DCC: variants seen among roughly 807,000 people sequenced by gnomAD.
DCC encodes the protein netrin receptor DCC.
DCC carries 58 observed loss-of-function variants against 172.5 expected under a neutral mutation model. The ratio of observed to expected loss-of-function variants is 0.34; its 90% CI spans 0.27 to 0.42. The LOEUF (loss-of-function observed/expected upper bound fraction) is 0.42, where lower values mean the gene tolerates loss of function less well. DCC is among the 10% of genes least tolerant of loss of function. The pLI, the probability that DCC is intolerant of heterozygous loss-of-function variation, is 1.00. For missense variants in DCC, 1,740 were observed against 1,791.0 expected (o/e 0.97, Z 0.51); for synonymous variants, 709 against 644.5 (o/e 1.10, Z -1.52).
At chr18:52,962,856 C>A (rs564985497) in intron 5 of DCC, among the ~76,000 whole-genome samples, 1 of 148,468 alleles carries the variant, frequency 6.7e-6, no homozygotes, top group Non-Finnish European at 1.5e-5. Flanking sequence ...ATCGCAAGGA[C>A]AAAAAACCAA....
intron 9 of DCC, among the ~76,000 whole-genome samples, chr18:53,183,385 G>A (rs8094601): frequency 0.12 from 17,978 of 152,130 alleles, 1,205 homozygotes; most frequent in African/African-American, 0.17. Context: ...TTTATGGTAT[G>A]TAATTTCTCT....
At chr18:53,509,927 T>A (rs1224168273) in intron 27 of DCC, among the ~76,000 whole-genome samples, 1 of 152,230 alleles carries the variant, frequency 6.6e-6, no homozygotes, top group Non-Finnish European at 1.5e-5. Flanking sequence ...AATTTATTCA[T>A]TTTCATAGAA....
rs374904911 is a variant in DCC, at chr18:53,378,037, C to G, written c.2360-8006C>G. Among the ~76,000 whole-genome samples the G allele has an allele frequency of 1.8e-3, 277 of 152,294 alleles. 1 individual carries two copies. Among genetic ancestry groups the G allele is most frequent in the African/African-American group, 6.2e-3 (259 of 41,560 alleles). On this transcript the variant is annotated intron_variant, in intron 15 of 28. Coordinates refer to ENST00000442544, the MANE Select transcript of DCC (RefSeq NM_005215.4). ...AGTGCAGTGGCGCAATCTCAGCTCA[C>G]TGCAACTTCTGCGTCCTGGGTTCAA...
Position 53,280,146 on chromosome 18 carries a change from A to G in DCC, c.1912-25432A>G, listed in dbSNP as rs139548002. On this transcript the variant is annotated intron_variant, in intron 12 of 28. Coordinates refer to ENST00000442544, the MANE Select transcript of DCC (RefSeq NM_005215.4). ...TTGAAGCCTATGGGCTAATTTTTTC[A>G]TGATACTGCCTGTGCTTGTTAAATG... is the stretch of plus-strand genomic sequence containing the variant. 3.5e-4 allele frequency among the ~76,000 whole-genome samples: 54 copies of G among 152,318 alleles called. No homozygotes were observed. In the East Asian group the frequency reaches 9.6e-3, roughly 27 times the overall value.
At chr18:53,079,032 C>A (rs2042762125) in intron 7 of DCC, among the ~76,000 whole-genome samples, 1 of 152,050 alleles carries the variant, frequency 6.6e-6, no homozygotes, top group African/African-American at 2.4e-5. Context: ...TGAAAATGTA[C>A]CAAAGCAGAA....
chr18:52,474,224 GAGAGAGAGAGAGAGAGAGAA>G (rs1383703257), intron 1 of DCC, among the ~76,000 whole-genome samples: 14 of 127,096 alleles, frequency 1.1e-4, no homozygotes, highest in Non-Finnish European at 1.8e-4. Flanking sequence ...GAGAGAGAGA[GAGAGAGAGAGAGAGAGAGAA>G]AGAGAGAGAA....
chr18:52,516,199 T>A (rs979046514), intron 1 of DCC, among the ~76,000 whole-genome samples: 1 of 152,070 alleles, frequency 6.6e-6, no homozygotes, highest in Non-Finnish European at 1.5e-5. Context: ...TAAAAAAAAA[T>A]TCAAATATCA....
At chr18:53,025,781 G>C (rs985996964) in intron 5 of DCC, among the ~76,000 whole-genome samples, 1 of 132,292 alleles carries the variant, frequency 7.6e-6, no homozygotes, top group African/African-American at 2.9e-5. Context: ...AGATTTAATG[G>C]GCAAAAACTA....
intron 15 of DCC, among the ~76,000 whole-genome samples, chr18:53,369,064 C>T (rs529780300): frequency 6.2e-4 from 95 of 152,048 alleles, no homozygotes; most frequent in African/African-American, 2.0e-3. Flanking sequence ...TCTTCTAGTA[C>T]GTGAACACGG....
intron 5 of DCC, among the ~76,000 whole-genome samples, chr18:52,943,637 G>A (rs1357493865): frequency 1.3e-5 from 2 of 151,970 alleles, no homozygotes; most frequent in Non-Finnish European, 2.9e-5. Context: ...AAGAATGAAT[G>A]TTTCACATTT....
rs553792868 is a variant in DCC at position 53,069,983 on chromosome 18, C to CT, written c.1261+3831dup. 9.7e-3 allele frequency among the ~76,000 whole-genome samples: 1,349 copies of CT among 139,040 alleles called. 8 individuals are homozygous for CT. Among genetic ancestry groups the CT allele is most frequent in the Admixed American group, 0.027 (371 of 13,824 alleles). 91.2% of individuals were successfully genotyped at this position (139,040 alleles called of 152,430 possible). ...TGTTTTTGAATACCTGAAGATAAAG[C>CT]TTTTTTTTTTTTTTGAGACAGAATC... On this transcript the variant is annotated intron_variant, in intron 7 of 28. Transcript: ENST00000442544.
chr18:53,213,647 CAAAAAAAA>C (rs34284373), intron 11 of DCC, among the ~76,000 whole-genome samples: 2 of 35,350 alleles, frequency 5.7e-5, no homozygotes, highest in Non-Finnish European at 1.5e-4. Context: ...GACTCCGTCT[CAAAAAAAA>C]AAAAAAAAAA....
chr18:53,452,550 TC>T (rs1469946924), intron 23 of DCC, among the ~76,000 whole-genome samples: 1 of 152,144 alleles, frequency 6.6e-6, no homozygotes, highest in Admixed American at 6.5e-5. Flanking sequence ...TCATCTTAAA[TC>T]CTACCCTAAG....
chr18:52,999,283 A>C (rs907529513), intron 5 of DCC, among the ~76,000 whole-genome samples: 4 of 152,224 alleles, frequency 2.6e-5, no homozygotes, highest in African/African-American at 9.6e-5. Flanking sequence ...AGACATTAAA[A>C]AGTAGCTCAG....
At position 53,429,002 on chromosome 18, in the gene DCC, TA is replaced by T. The variant is rs1911371788; in HGVS notation, c.3164-6140del. ...ATATATATTTTATATATTTTTTATATAATATATATTTTATATATTTTTTATA... is the reference window on the plus strand; with the variant it reads ...ATATATATTTTATATATTTTTTATATATATATATTTTATATATTTTTTATA... On this transcript the variant is annotated intron_variant, in intron 21 of 28. Transcript: ENST00000442544. Among the ~76,000 whole-genome samples, 6 of 49,232 alleles carry T rather than the reference TA, an allele frequency of 1.2e-4. 2 individuals carry two copies. Among genetic ancestry groups the T allele is most frequent in the Non-Finnish European group, 2.4e-4 (5 of 21,086 alleles). The allele number at this position is 49,232 out of a possible 152,430, so 32.3% of individuals were successfully genotyped here.
intron 1 of DCC, among the ~76,000 whole-genome samples, chr18:52,391,448 A>G (rs572776875): frequency 6.6e-6 from 1 of 152,252 alleles, no homozygotes; most frequent in South Asian, 2.1e-4. Flanking sequence ...AAACAGATTC[A>G]AAGAAATTGT....
chr18:53,207,981 C>A (rs1246408407), intron 11 of DCC, among the ~76,000 whole-genome samples, 164 bp downstream of exon 11: 1 of 152,008 alleles, frequency 6.6e-6, no homozygotes, highest in Non-Finnish European at 1.5e-5. Context: ...TACATACTCC[C>A]AGCTGGATGT....
chr18:53,235,076 C>T (rs986386353), intron 12 of DCC, among the ~76,000 whole-genome samples: 3 of 152,120 alleles, frequency 2.0e-5, no homozygotes, highest in South Asian at 4.1e-4. Context: ...TTATTGGATA[C>T]ACAGCATCAA....
chr18:52,890,825 T>C (rs540731443), intron 2 of DCC, among the ~76,000 whole-genome samples: 131 of 152,072 alleles, frequency 8.6e-4, no homozygotes, highest in Middle Eastern at 3.2e-3. Context: ...GAGTAAAATA[T>C]ATGAAAAGAG....
Sources: allele counts gnomAD v4.1 joint callset (sites outside exome capture counted in the v4.1 genomes callset), GRCh38; gene constraint gnomAD v4.1.1; transcripts MANE v1.5; gene names NCBI Gene and HGNC (gene_info 2026-07-23, HGNC 2026-07-21).